Variants in CNBD1 observed in about 807,000 individuals in gnomAD.
CNBD1 encodes cyclic nucleotide-binding domain-containing protein 1.
A neutral mutation model predicts 54.4 loss-of-function variants in CNBD1; 71 were observed. The ratio of observed to expected loss-of-function variants is 1.30; its 90% CI spans 1.08 to 1.59. CNBD1 has a LOEUF of 1.59. Among genes scored for constraint, CNBD1 ranks in the 40% most tolerant of loss-of-function variants. The pLI is 0.00. For synonymous variants in CNBD1, 182 were observed against 170.7 expected, an observed-to-expected ratio of 1.07 and a Z score of -0.51; for missense variants, 659 against 518.0, an observed-to-expected ratio of 1.27 and a Z score of -2.64.
At chr8:87,417,114 A>G (rs1193659286) in intron 2 of CNBD1, among the ~76,000 whole-genome samples, 3 of 152,076 alleles carry the variant, frequency 2.0e-5, no homozygotes. Flanking sequence ...CATAATTTAT[A>G]AAGAAAAAGA....
chr8:87,330,998 G>A (rs1353717576), intron 8 of CNBD1, among the ~76,000 whole-genome samples: 1 of 152,034 alleles, frequency 6.6e-6, no homozygotes, highest in African/African-American at 2.4e-5. Flanking sequence ...TATTCAAAGT[G>A]ATTATTGATA....
chr8:87,229,862 A>T (rs761520328), intron 5 of CNBD1, among the ~76,000 whole-genome samples: 4 of 152,258 alleles, frequency 2.6e-5, no homozygotes, highest in Non-Finnish European at 5.9e-5. Context: ...ATGTTAATTT[A>T]AGGAAATAAT....
At chr8:87,048,469 C>A (rs901085740) in intron 4 of CNBD1, among the ~76,000 whole-genome samples, 3 of 152,116 alleles carry the variant, frequency 2.0e-5, no homozygotes, top group African/African-American at 7.2e-5. Flanking sequence ...TTAATGACAT[C>A]ATTTGTTTTT....
At chr8:87,225,452 G>T (rs923115858) in intron 5 of CNBD1, among the ~76,000 whole-genome samples, 2 of 151,574 alleles carry the variant, frequency 1.3e-5, no homozygotes, top group Non-Finnish European at 2.9e-5. Flanking sequence ...AGCATGAAGG[G>T]TTGTTGAATT....
intron 4 of CNBD1, among the ~76,000 whole-genome samples, chr8:87,121,613 C>A (rs57101441): frequency 1.3e-5 from 2 of 151,466 alleles, no homozygotes; most frequent in Non-Finnish European, 1.5e-5. Context: ...ATCACAAACC[C>A]CCCATTCATC....
At chr8:86,988,860 T>G (rs1481465869) in intron 4 of CNBD1, among the ~76,000 whole-genome samples, 1 of 152,186 alleles carries the variant, frequency 6.6e-6, no homozygotes, top group Non-Finnish European at 1.5e-5. Context: ...TCTCATCCTT[T>G]TTTATGGCTG....
At chr8:86,991,288 C>T (rs1477513577) in intron 4 of CNBD1, among the ~76,000 whole-genome samples, 2 of 152,092 alleles carry the variant, frequency 1.3e-5, no homozygotes, top group African/African-American at 2.4e-5. Flanking sequence ...AGTTTTTCCT[C>T]ATTTAATGTG....
chr8:87,359,351 CATG>C (rs1471747548), intron 10 of CNBD1, among the ~76,000 whole-genome samples: 1 of 152,050 alleles, frequency 6.6e-6, no homozygotes, highest in Non-Finnish European at 1.5e-5. Context: ...AAGCTGCTGA[CATG>C]ATGTGTGCCT....
At chr8:86,983,415 G>A (rs1226096412) in intron 4 of CNBD1, among the ~76,000 whole-genome samples, 1 of 152,160 alleles carries the variant, frequency 6.6e-6, no homozygotes, top group Non-Finnish European at 1.5e-5. Flanking sequence ...GTGGGGCACT[G>A]CTGAAAATAT....
chr8:86,867,864 C>T (rs563953050), intron 1 of CNBD1, among the ~76,000 whole-genome samples: 30 of 152,258 alleles, frequency 2.0e-4, no homozygotes, highest in African/African-American at 7.2e-4. Context: ...CACTTAACTT[C>T]TGTGAAGTGA....
At chr8:87,062,524 G>A (rs1209425402) in intron 4 of CNBD1, among the ~76,000 whole-genome samples, 1 of 152,072 alleles carries the variant, frequency 6.6e-6, no homozygotes, top group Non-Finnish European at 1.5e-5. Context: ...AATCACCTGA[G>A]GTCAGGAGTT....
intron 2 of CNBD1, among the ~76,000 whole-genome samples, chr8:87,426,100 C>T (rs1169584391): frequency 6.6e-6 from 1 of 152,220 alleles, no homozygotes; most frequent in African/African-American, 2.4e-5. Context: ...GTCCATCACC[C>T]CTTTCTTTGA....
At chr8:86,901,149 A>G (rs1320237049) in intron 2 of CNBD1, among the ~76,000 whole-genome samples, 1 of 152,198 alleles carries the variant, frequency 6.6e-6, no homozygotes, top group East Asian at 1.9e-4. Flanking sequence ...TCATTGTAAT[A>G]AAAGGATGAC....
chr8:87,370,162 A>G (rs1810745649), intron 10 of CNBD1, among the ~76,000 whole-genome samples: 1 of 151,614 alleles, frequency 6.6e-6, no homozygotes, highest in Non-Finnish European at 1.5e-5. Flanking sequence ...AGTCTTTGCT[A>G]TTGTGAATAG....
intron 4 of CNBD1, among the ~76,000 whole-genome samples, chr8:86,982,987 G>T (rs1219287279): frequency 6.6e-6 from 1 of 152,120 alleles, no homozygotes; most frequent in East Asian, 1.9e-4. Flanking sequence ...CTTAAAAAAA[G>T]TAATTTTGAC....
intron 10 of CNBD1, among the ~76,000 whole-genome samples, chr8:87,378,750 G>C: frequency 6.6e-6 from 1 of 151,118 alleles, no homozygotes; most frequent in Non-Finnish European, 1.5e-5. Context: ...TGGGCAGTAT[G>C]GACATTTTCA....
chr8:87,352,339 G>A (rs908004954), intron 9 of CNBD1, among the ~76,000 whole-genome samples: 3 of 152,038 alleles, frequency 2.0e-5, no homozygotes, highest in Non-Finnish European at 2.9e-5. Flanking sequence ...AATTAGCTGG[G>A]TGTGGTGGTG....
intron 4 of CNBD1, among the ~76,000 whole-genome samples, chr8:87,176,925 A>G (rs1813212692): frequency 6.6e-6 from 1 of 152,194 alleles, no homozygotes; most frequent in African/African-American, 2.4e-5. Flanking sequence ...ATTATCTTTT[A>G]TAATCTTCCT....
chr8:87,358,660 T>C (rs1810468543), intron 10 of CNBD1, among the ~76,000 whole-genome samples: 1 of 152,150 alleles, frequency 6.6e-6, no homozygotes, highest in South Asian at 2.1e-4. Context: ...CAAAGTCCCA[T>C]GATATGCTTT....
Sources: allele counts gnomAD v4.1 joint callset (sites outside exome capture counted in the v4.1 genomes callset), GRCh38; gene constraint gnomAD v4.1.1; transcripts MANE v1.5; gene names NCBI Gene and HGNC (gene_info 2026-07-23, HGNC 2026-07-21).